The following CYP11A1 variants were observed in gnomAD, a reference collection of about 807,000 sequenced individuals.
CYP11A1 encodes cytochrome P450 family 11 subfamily A member 1.
CYP11A1 carries 25 observed loss-of-function variants against 51.9 expected under a neutral mutation model. That is an observed-to-expected ratio of 0.48 (90% CI 0.35 to 0.67). CYP11A1 has a LOEUF of 0.67. Ranked by LOEUF, CYP11A1 falls within the 30% of genes least tolerant of loss-of-function variation. The pLI is 0.00. For missense variants in CYP11A1, 578 were observed against 680.9 expected, an observed-to-expected ratio of 0.85 and a Z score of 1.68; for synonymous variants, 245 against 262.1, an observed-to-expected ratio of 0.93 and a Z score of 0.63.
At chr15:74,339,525 G>C in intron 6 of CYP11A1, 62 bp downstream of exon 6, 1 of 1,587,974 alleles carries the variant, frequency 6.3e-7, no homozygotes, top group Non-Finnish European at 8.6e-7. Context: ...CTTTCCCCGG[G>C]CACTTCCCTG....
intron 1 of CYP11A1, chr15:74,365,443 G>A (rs1379222490): frequency 6.5e-6 from 1 of 154,466 alleles, no homozygotes; most frequent in African/African-American, 2.4e-5. Context: ...AATCTAGCTG[G>A]GTGACCTCTC....
intron 3 of CYP11A1, 95 bp downstream of exon 3, chr15:74,344,949 C>T: frequency 8.5e-7 from 1 of 1,182,620 alleles, no homozygotes; most frequent in Non-Finnish European, 1.2e-6. Context: ...GTCTCAATGC[C>T]TCTGCAGGGT....
At chr15:74,348,842 C>A (rs1272359860) in intron 1 of CYP11A1, among the ~76,000 whole-genome samples, 1 of 152,194 alleles carries the variant, frequency 6.6e-6, no homozygotes, top group Non-Finnish European at 1.5e-5. Context: ...AAGCGACCCT[C>A]TCACCTCAGC....
chr15:74,355,744 A>C (rs2060676517), intron 1 of CYP11A1, among the ~76,000 whole-genome samples: 1 of 152,238 alleles, frequency 6.6e-6, no homozygotes, highest in African/African-American at 2.4e-5. Flanking sequence ...GCTGGAGCTA[A>C]AGGCATAGTC....
At chr15:74,343,682 TG>T in intron 4 of CYP11A1, 106 bp downstream of exon 4, 2 of 1,016,200 alleles carry the variant, frequency 2.0e-6, no homozygotes, top group South Asian at 2.5e-5. Flanking sequence ...CGCCACAGTG[TG>T]GGTTTCCTAC....
At chr15:74,342,830 G>T in intron 5 of CYP11A1, 147 bp downstream of exon 5, 1 of 794,704 alleles carries the variant, frequency 1.3e-6, no homozygotes, top group Non-Finnish European at 2.1e-6. Context: ...GGAGATTAGC[G>T]CTTTGGAAAT....
intron 1 of CYP11A1, among the ~76,000 whole-genome samples, chr15:74,357,262 C>T (rs1409408495): frequency 6.6e-6 from 1 of 152,226 alleles, no homozygotes; most frequent in African/African-American, 2.4e-5. Flanking sequence ...ACCCATCAGG[C>T]TCAGCAAATT....
At chr15:74,341,119 C>G (rs1346210286) in intron 5 of CYP11A1, among the ~76,000 whole-genome samples, 1 of 152,140 alleles carries the variant, frequency 6.6e-6, no homozygotes, top group Non-Finnish European at 1.5e-5. Context: ...CCTCTCTGTG[C>G]TCTACTTTCC....
At chr15:74,344,656 A>G (rs549479938) in intron 3 of CYP11A1, among the ~76,000 whole-genome samples, 3 of 152,104 alleles carry the variant, frequency 2.0e-5, no homozygotes, top group Admixed American at 6.5e-5. Flanking sequence ...CAGATTAACC[A>G]CTGAACTCTC....
At chr15:74,362,798 G>A (rs1487295028) in intron 1 of CYP11A1, 2 of 152,190 alleles carry the variant, frequency 1.3e-5, no homozygotes, top group Admixed American at 1.3e-4. Flanking sequence ...GGTCTGTTAT[G>A]TGCACTTATG....
At chr15:74,367,204 G>C in intron 1 of CYP11A1, 113 bp downstream of exon 1, 1 of 989,066 alleles carries the variant, frequency 1.0e-6, no homozygotes, top group Non-Finnish European at 1.6e-6. Flanking sequence ...AAAGAAGTTA[G>C]ACAGGAGTTT....
chr15:74,339,192 G>T, intron 7 of CYP11A1, 45 bp downstream of exon 7: 1 of 1,525,710 alleles, frequency 6.6e-7, no homozygotes, highest in Non-Finnish European at 9.1e-7. Context: ...GCCTGCCCCA[G>T]CCCTCTCTGA....
In CYP11A1 at chr15:74,337,904, G is replaced by A. The variant is rs1378739889; in HGVS notation, c.*68C>T. ...GCAGGACTTGGGACAGACGACTGAA[G>A]ATGCAGAGACCCCATGGGCCCCACC... On this transcript the variant is annotated 3_prime_UTR_variant, in exon 9 of 9. Transcript: ENST00000268053. The A allele has an allele frequency of 1.2e-6, 2 of 1,604,286 alleles. No individual in the cohort carries two copies. The highest frequency in any genetic ancestry group is 8.5e-7 in the Non-Finnish European group (1 of 1,173,356).
chr15:74,340,377 CT>C (rs2060600924), intron 5 of CYP11A1, among the ~76,000 whole-genome samples: 1 of 152,196 alleles, frequency 6.6e-6, no homozygotes, highest in Non-Finnish European at 1.5e-5. Flanking sequence ...CTGAGTGACC[CT>C]CATCAAACCC....
rs1415279261 is a variant in CYP11A1, at chr15:74,346,364, AAAAAAAAAAG to A, written c.426-1131_426-1122del. Among the ~76,000 whole-genome samples, 392 of 151,108 alleles carry A rather than the reference AAAAAAAAAAG, an allele frequency of 2.6e-3. 3 individuals are homozygous for A. The highest frequency in any genetic ancestry group is 9.3e-3 in the African/African-American group (384 of 41,196). Reference sequence around the variant, plus strand: ...CAAGACTCTGCCTCAAAAAAAAAAAAAAAAAAAAAGAAAGAAAGAAAGAAAAGCTGTCATG... The same window carrying A: ...CAAGACTCTGCCTCAAAAAAAAAAAAAAAGAAAGAAAGAAAAGCTGTCATG... On this transcript the variant is annotated intron_variant, in intron 2 of 8. Coordinates refer to ENST00000268053, the MANE Select transcript of CYP11A1 (RefSeq NM_000781.3).
chr15:74,340,662 A>C (rs41556118), intron 5 of CYP11A1, among the ~76,000 whole-genome samples: 101,899 of 151,938 alleles, frequency 0.67, 34,623 homozygotes, highest in Non-Finnish European at 0.74. Flanking sequence ...TCACAAACAA[A>C]CCTCTAAGGT....
chr15:74,367,397 G>A lies in CYP11A1; in HGVS notation c.189C>T (p.Tyr63=). ...SPGDNGWLNL[Y]HFWRETGTHK... is the part of the protein sequence containing the mutation. ...GTGTGCCCGTCTCCCTCCAGAAATGGTACAGGTTTAGCCAGCCATTGTCAC... is the reference window on the plus strand; with the variant it reads ...GTGTGCCCGTCTCCCTCCAGAAATGATACAGGTTTAGCCAGCCATTGTCAC... Residue 63 remains tyrosine, a synonymous_variant, in exon 1 of 9, where the codon TAC becomes TAT. Coordinates refer to ENST00000268053, the MANE Select transcript of CYP11A1 (RefSeq NM_000781.3). 2 of 1,614,188 alleles carry A rather than the reference G, an allele frequency of 1.2e-6. No individual in the cohort carries two copies. The highest frequency in any genetic ancestry group is 2.7e-5 in the African/African-American group (2 of 75,042).
chr15:74,344,085 G>T, intron 3 of CYP11A1, 93 bp from the exon 4 acceptor site: 1 of 1,019,344 alleles, frequency 9.8e-7, no homozygotes, highest in Non-Finnish European at 1.5e-6. Context: ...ACCTCCCTCA[G>T]CACAAAGGAT....
rs1351058794 is a variant in CYP11A1 at position 74,366,050 on chromosome 15, C to CG, written c.269+1266dup. 9 of 985,602 alleles carry CG rather than the reference C, an allele frequency of 9.1e-6. No individual in the cohort carries two copies. The East Asian group carries it at 8.0e-4, about 87-fold the overall frequency. The allele number at this position is 985,602 out of a possible 1,614,324, so 61.1% of individuals were successfully genotyped here. A position where few individuals can be genotyped will look rare whatever the true frequency, so the allele number is the denominator to read the frequency against. Reference sequence around the variant, plus strand: ...GCCCTGAGGTAAACGCGGGTCGACCCGGGGGGCGGATGGGCTCGGGCTGTG... The same window carrying CG: ...GCCCTGAGGTAAACGCGGGTCGACCCGGGGGGGCGGATGGGCTCGGGCTGTG... On this transcript the variant is annotated intron_variant, in intron 1 of 8. Transcript: ENST00000268053.
Sources: gnomAD v4.1 joint callset for allele counts (sites outside exome capture counted in the v4.1 genomes callset) on GRCh38, gnomAD v4.1.1 for gene constraint, MANE v1.5 for transcripts, NCBI Gene and HGNC (gene_info 2026-07-23, HGNC 2026-07-21) for gene names.